Variants in SYT16 observed in about 807,000 individuals in gnomAD.
SYT16 encodes the protein synaptotagmin 16, also known as synaptotagmin-16.
In SYT16, 42 loss-of-function variants were observed where a neutral mutation model predicts 61.4. The observed-to-expected ratio is 0.68, with a 90% CI of 0.53 to 0.89. The LOEUF (loss-of-function observed/expected upper bound fraction) is 0.89. Among genes scored for constraint, SYT16 ranks in the 40% least tolerant of loss-of-function variants. The pLI is 0.00. For synonymous variants in SYT16, 314 were observed against 302.3 expected, an observed-to-expected ratio of 1.04 and a Z score of -0.40; for missense variants, 804 against 807.3, an observed-to-expected ratio of 1.00 and a Z score of 0.05.
chr14:62,062,995 C>G (rs1461836841), intron 3 of SYT16, among the ~76,000 whole-genome samples: 1 of 152,206 alleles, frequency 6.6e-6, no homozygotes, highest in Non-Finnish European at 1.5e-5. Flanking sequence ...AAGAAATCCT[C>G]TCTTTGCATC....
At position 62,090,934 on chromosome 14, in the gene SYT16, C is replaced by A. The variant is rs147115206; in HGVS notation, c.1624+6549C>A. 2.1e-3 allele frequency among the ~76,000 whole-genome samples: 327 copies of A among 152,252 alleles called. 4 individuals carry two copies. The East Asian group carries it at 0.035, about 17-fold the overall frequency. Reference sequence around the variant, plus strand: ...CCTCCTCTTTATAAAACCATCAGATCTCATGAGATTTATTCACTATCATGA... The same window carrying A: ...CCTCCTCTTTATAAAACCATCAGATATCATGAGATTTATTCACTATCATGA... On this transcript the variant is annotated intron_variant, in intron 7 of 7. Coordinates refer to ENST00000683842, the MANE Select transcript of SYT16 (RefSeq NM_001367656.1).
intron 3 of SYT16, among the ~76,000 whole-genome samples, chr14:62,015,599 G>C (rs889156393): frequency 3.3e-5 from 5 of 152,182 alleles, no homozygotes; most frequent in Admixed American, 2.0e-4. Flanking sequence ...ATGGTATTAG[G>C]AGGTGGGACC....
chr14:61,907,428 A>G (rs572346973), intron 1 of SYT16, among the ~76,000 whole-genome samples: 42 of 152,342 alleles, frequency 2.8e-4, no homozygotes, highest in African/African-American at 9.6e-4. Context: ...AACTTTTATT[A>G]TTTCATAGGT....
intron 3 of SYT16, among the ~76,000 whole-genome samples, chr14:62,009,216 G>T (rs553381635): frequency 6.6e-6 from 1 of 152,254 alleles, no homozygotes; most frequent in South Asian, 2.1e-4. Context: ...TGAGAACATG[G>T]GCAGTGATTC....
At chr14:62,017,119 G>T (rs2053718534) in intron 3 of SYT16, among the ~76,000 whole-genome samples, 1 of 152,024 alleles carries the variant, frequency 6.6e-6, no homozygotes, top group Non-Finnish European at 1.5e-5. Flanking sequence ...TTGAATTGCG[G>T]GGATTTAAAA....
chr14:62,041,731 T>A (rs1029009486), intron 3 of SYT16, among the ~76,000 whole-genome samples: 1 of 152,158 alleles, frequency 6.6e-6, no homozygotes, highest in Non-Finnish European at 1.5e-5. Context: ...TTTTTAGATT[T>A]TTTTTCTGCC....
At chr14:62,035,620 A>G (rs1299621813) in intron 3 of SYT16, among the ~76,000 whole-genome samples, 1 of 152,176 alleles carries the variant, frequency 6.6e-6, no homozygotes, top group Non-Finnish European at 1.5e-5. Flanking sequence ...CTTGCTTACC[A>G]ATGGGTGTTG....
At chr14:61,839,928 A>C (rs1480860597) in intron 1 of SYT16, among the ~76,000 whole-genome samples, 4 of 151,486 alleles carry the variant, frequency 2.6e-5, no homozygotes, top group Non-Finnish European at 4.4e-5. Context: ...GGAGGGGAGC[A>C]GAAGAGGAAG....
intron 3 of SYT16, among the ~76,000 whole-genome samples, chr14:62,039,293 G>A (rs1300691338): frequency 6.6e-6 from 1 of 152,230 alleles, no homozygotes; most frequent in African/African-American, 2.4e-5. Context: ...GACAAGGCAT[G>A]AGGTGCCTTG....
chr14:61,994,788 T>G (rs1003751764), intron 2 of SYT16, among the ~76,000 whole-genome samples: 4 of 152,192 alleles, frequency 2.6e-5, no homozygotes, highest in African/African-American at 4.8e-5. Context: ...GTGCCAGCAT[T>G]TAATAGATAA....
At chr14:62,023,383 A>T (rs1189165830) in intron 3 of SYT16, among the ~76,000 whole-genome samples, 3 of 152,138 alleles carry the variant, frequency 2.0e-5, no homozygotes, top group Admixed American at 2.0e-4. Flanking sequence ...ACTTCCCCCA[A>T]ACATACAGGT....
At chr14:61,895,408 G>T (rs1403475625) in intron 1 of SYT16, among the ~76,000 whole-genome samples, 2 of 152,116 alleles carry the variant, frequency 1.3e-5, no homozygotes, top group Non-Finnish European at 2.9e-5. Context: ...TTTCATAAAT[G>T]TGTCCACTTT....
chr14:61,865,877 A>G (rs966942956), intron 1 of SYT16, among the ~76,000 whole-genome samples: 2 of 152,150 alleles, frequency 1.3e-5, no homozygotes, highest in African/African-American at 4.8e-5. Context: ...AATGCTTTCT[A>G]AATCATTTTA....
chr14:61,846,431 A>G (rs1017119894), intron 1 of SYT16, among the ~76,000 whole-genome samples: 1 of 152,042 alleles, frequency 6.6e-6, no homozygotes, highest in African/African-American at 2.4e-5. Context: ...GTCTCCTCTT[A>G]CAGTTTTTGT....
intron 3 of SYT16, among the ~76,000 whole-genome samples, chr14:62,014,872 C>G (rs778587489): frequency 4.6e-5 from 7 of 152,210 alleles, no homozygotes; most frequent in Non-Finnish European, 8.8e-5. Flanking sequence ...TTGAAAGATA[C>G]ATAGCCTTCA....
At position 61,897,942 on chromosome 14, in the gene SYT16, AC is replaced by A. The variant is rs10707583; in HGVS notation, c.-324-72189del. The stretch of plus-strand genomic sequence containing the variant: ...CATCTCTTGGGGCTGCACTTGCTGC[AC>A]ACGTGGTTCTTCCTGTAGTTACTCA... On this transcript the variant is annotated intron_variant, in intron 1 of 7. Coordinates refer to ENST00000683842, the MANE Select transcript of SYT16 (RefSeq NM_001367656.1). 8.7e-3 allele frequency among the ~76,000 whole-genome samples: 1,318 copies of A among 152,276 alleles called. 8 individuals carry two copies. Among genetic ancestry groups the A allele is most frequent in the Middle Eastern group, 0.031 (9 of 294 alleles).
chr14:61,963,615 A>G lies in SYT16; in HGVS notation c.-324-6517A>G, dbSNP rs143730483. On this transcript the variant is annotated intron_variant, in intron 1 of 7. Coordinates refer to ENST00000683842, the MANE Select transcript of SYT16 (RefSeq NM_001367656.1). Reference sequence around the variant, plus strand: ...GAAAAAAGCCATCCCCATTACATGAAAGAGCAAGGTGAAGCAGCAAGTGCT... The same window carrying G: ...GAAAAAAGCCATCCCCATTACATGAGAGAGCAAGGTGAAGCAGCAAGTGCT... Among the ~76,000 whole-genome samples, 398 of 152,320 alleles carry G rather than the reference A, an allele frequency of 2.6e-3. 3 individuals carry two copies. The highest frequency in any genetic ancestry group is 3.9e-3 in the Non-Finnish European group (267 of 68,026).
At chr14:62,032,098 G>A (rs899012029) in intron 3 of SYT16, among the ~76,000 whole-genome samples, 2 of 152,050 alleles carry the variant, frequency 1.3e-5, no homozygotes, top group East Asian at 1.9e-4. Flanking sequence ...TGACGAAAAC[G>A]GGAATGATGA....
intron 1 of SYT16, among the ~76,000 whole-genome samples, chr14:61,964,297 T>G (rs1410481620): frequency 6.6e-6 from 1 of 152,150 alleles, no homozygotes; most frequent in East Asian, 1.9e-4. Context: ...TTAAGGACAT[T>G]TATGATTCAT....
Sources: allele counts gnomAD v4.1 joint callset (sites outside exome capture counted in the v4.1 genomes callset), GRCh38; gene constraint gnomAD v4.1.1; transcripts MANE v1.5; gene names NCBI Gene and HGNC (gene_info 2026-07-23, HGNC 2026-07-21).